The following ATG10 variants were observed in gnomAD, a reference collection of about 807,000 sequenced individuals.
ATG10 encodes autophagy related 10.
A neutral mutation model predicts 32.1 loss-of-function variants in ATG10; 30 were observed. The observed-to-expected ratio is 0.94, with a 90% confidence interval of 0.70 to 1.27. The LOEUF (loss-of-function observed/expected upper bound fraction) is 1.27, where lower values mean the gene tolerates loss of function less well. Among genes scored for constraint, ATG10 ranks in the 50% most tolerant of loss-of-function variants. The probability of loss-of-function intolerance (pLI) is 0.00; values close to 1 mark genes in which losing one functional copy is unlikely to be tolerated. For missense variants in ATG10, 233 were observed against 262.3 expected (o/e 0.89, Z 0.77); for synonymous variants, 87 against 91.5 (o/e 0.95, Z 0.28).
chr5:81,998,636 A>G (rs773936989), intron 2 of ATG10, among the ~76,000 whole-genome samples: 1 of 152,220 alleles, frequency 6.6e-6, no homozygotes. Context: ...GCTGTCTTCA[A>G]GAGACCCATC....
At chr5:81,982,958 T>C (rs1761101717) in intron 1 of ATG10, among the ~76,000 whole-genome samples, 1 of 152,230 alleles carries the variant, frequency 6.6e-6, no homozygotes, top group Non-Finnish European at 1.5e-5. Flanking sequence ...TACCTCTTTC[T>C]ACACAGACAC....
chr5:82,180,980 T>C (rs1744207953), intron 5 of ATG10, among the ~76,000 whole-genome samples: 1 of 152,186 alleles, frequency 6.6e-6, no homozygotes, highest in Admixed American at 6.6e-5. Context: ...AACTCACCAC[T>C]GAACCAATCT....
At chr5:82,235,513 A>G (rs991793661) in intron 5 of ATG10, among the ~76,000 whole-genome samples, 3 of 152,230 alleles carry the variant, frequency 2.0e-5, no homozygotes, top group African/African-American at 7.2e-5. Context: ...ACAAACAAAC[A>G]AAATAATTGT....
At chr5:82,062,169 T>C (rs891401374) in intron 3 of ATG10, among the ~76,000 whole-genome samples, 1 of 151,844 alleles carries the variant, frequency 6.6e-6, no homozygotes, top group Non-Finnish European at 1.5e-5. Context: ...GAATAACATA[T>C]TTTTTTTCAA....
At chr5:81,979,763 T>A (rs1760982333) in intron 1 of ATG10, among the ~76,000 whole-genome samples, 1 of 151,914 alleles carries the variant, frequency 6.6e-6, no homozygotes, top group South Asian at 2.1e-4. Flanking sequence ...TAGGCTATGT[T>A]TAGGCATAAG....
At chr5:82,164,362 A>T in intron 3 of ATG10, 37 bp from the exon 4 acceptor site, 5 of 1,604,070 alleles carry the variant, frequency 3.1e-6, no homozygotes, top group Non-Finnish European at 4.3e-6. Flanking sequence ...TTTCTTATTA[A>T]GAAACCCGTT....
At position 81,973,457 on chromosome 5, in the gene ATG10, C is replaced by G. The variant is rs140744767; in HGVS notation, c.-13+1151C>G. On this transcript the variant is annotated intron_variant, in intron 1 of 7. Coordinates refer to ENST00000282185, the MANE Select transcript of ATG10 (RefSeq NM_031482.5). ...TTAACCATTTTTCTGTCTAACCTAT[C>G]AAACTTACCATCCTTTCTTCAGTGT... Among the ~76,000 whole-genome samples, 40 of 152,316 alleles carry G rather than the reference C, an allele frequency of 2.6e-4. No homozygotes were observed. The East Asian group carries it at 7.5e-3, about 29-fold the overall frequency.
At chr5:82,206,039 G>T (rs1309290903) in intron 5 of ATG10, among the ~76,000 whole-genome samples, 1 of 152,206 alleles carries the variant, frequency 6.6e-6, no homozygotes. Flanking sequence ...TTGACTAAGA[G>T]ATCTGAAGAC....
At chr5:82,244,903 C>CT (rs1467047454) in intron 5 of ATG10, among the ~76,000 whole-genome samples, 3 of 152,216 alleles carry the variant, frequency 2.0e-5, no homozygotes, top group Admixed American at 6.5e-5. Context: ...TCTGACCCAT[C>CT]ATTTCTATTT....
chr5:82,127,320 G>C (rs183359800), intron 3 of ATG10, among the ~76,000 whole-genome samples: 102 of 152,092 alleles, frequency 6.7e-4, no homozygotes, highest in Middle Eastern at 6.8e-3. Context: ...CTTGTCTTCT[G>C]CTAACTTTTG....
At chr5:82,031,945 A>G (rs901408140) in intron 2 of ATG10, among the ~76,000 whole-genome samples, 4 of 152,266 alleles carry the variant, frequency 2.6e-5, no homozygotes, top group Middle Eastern at 6.3e-3. Context: ...TGGAGCAACT[A>G]TAGCAGCCTG....
At chr5:82,112,113 A>G (rs1371235432) in intron 3 of ATG10, among the ~76,000 whole-genome samples, 1 of 151,876 alleles carries the variant, frequency 6.6e-6, no homozygotes, top group African/African-American at 2.4e-5. Context: ...AAACATGAGC[A>G]TCTCTTCAAG....
At chr5:82,146,001 C>T (rs1767343454) in intron 3 of ATG10, among the ~76,000 whole-genome samples, 1 of 152,188 alleles carries the variant, frequency 6.6e-6, no homozygotes, top group Non-Finnish European at 1.5e-5. Context: ...GCCACCGCGC[C>T]TGGCCAAACA....
intron 3 of ATG10, among the ~76,000 whole-genome samples, chr5:82,072,817 A>G (rs914076267): frequency 6.6e-6 from 1 of 152,196 alleles, no homozygotes; most frequent in African/African-American, 2.4e-5. Context: ...CGAATGTTTC[A>G]GGAAACCTGT....
intron 3 of ATG10, among the ~76,000 whole-genome samples, chr5:82,090,670 C>G (rs1764851168): frequency 6.6e-6 from 1 of 152,128 alleles, no homozygotes; most frequent in Non-Finnish European, 1.5e-5. Flanking sequence ...GGTGGAAATG[C>G]TCTGTATCTT....
At chr5:82,113,569 G>A (rs550919548) in intron 3 of ATG10, among the ~76,000 whole-genome samples, 105 of 151,880 alleles carry the variant, frequency 6.9e-4, no homozygotes, top group African/African-American at 2.4e-3. Flanking sequence ...ACTTATTCTC[G>A]CTTGGGAGCT....
chr5:82,082,905 T>C (rs1329756621), intron 3 of ATG10, among the ~76,000 whole-genome samples: 2 of 152,152 alleles, frequency 1.3e-5, no homozygotes, highest in African/African-American at 4.8e-5. Context: ...TAGGAGCAGC[T>C]CCATTCTGCA....
chr5:82,215,194 A>G (rs1365711120), intron 5 of ATG10, among the ~76,000 whole-genome samples: 2 of 152,174 alleles, frequency 1.3e-5, no homozygotes, highest in Non-Finnish European at 2.9e-5. Flanking sequence ...TTGGACTGAG[A>G]GGCCACCCTC....
At chr5:82,069,978 C>A (rs1764072550) in intron 3 of ATG10, among the ~76,000 whole-genome samples, 1 of 152,132 alleles carries the variant, frequency 6.6e-6, no homozygotes, top group South Asian at 2.1e-4. Context: ...CCATATGGTG[C>A]CTGCGAATTT....
Sources: gnomAD v4.1 joint callset for allele counts (sites outside exome capture counted in the v4.1 genomes callset) on GRCh38, gnomAD v4.1.1 for gene constraint, MANE v1.5 for transcripts, NCBI Gene and HGNC (gene_info 2026-07-23, HGNC 2026-07-21) for gene names.